SPAG16: variants seen among roughly 807,000 people sequenced by gnomAD.
SPAG16 encodes sperm associated antigen 16.
A neutral mutation model predicts 80.4 loss-of-function variants in SPAG16; 86 were observed. The ratio of observed to expected loss-of-function variants is 1.07; its 90% CI spans 0.90 to 1.28. The LOEUF (loss-of-function observed/expected upper bound fraction) is 1.28, where lower values mean the gene tolerates loss of function less well. Among genes scored for constraint, SPAG16 ranks in the 50% most tolerant of loss-of-function variants. The pLI, the probability that SPAG16 is intolerant of heterozygous loss-of-function variation, is 0.00. For missense variants in SPAG16, 870 were observed against 765.3 expected, an observed-to-expected ratio of 1.14 and a Z score of -1.61; for synonymous variants, 294 against 265.9, an observed-to-expected ratio of 1.11 and a Z score of -1.03.
At chr2:214,035,781 C>T (rs1038072341) in intron 13 of SPAG16, among the ~76,000 whole-genome samples, 1 of 152,282 alleles carries the variant, frequency 6.6e-6, no homozygotes, top group Non-Finnish European at 1.5e-5. Flanking sequence ...CAAGGAAGCC[C>T]ACATCCACAG....
intron 10 of SPAG16, among the ~76,000 whole-genome samples, chr2:213,798,748 T>C (rs1253541123): frequency 2.0e-5 from 3 of 152,198 alleles, no homozygotes; most frequent in African/African-American, 7.2e-5. Context: ...TTTATTTAAT[T>C]TTCCTGTATG....
At chr2:214,138,782 A>T (rs1323830569) in intron 14 of SPAG16, among the ~76,000 whole-genome samples, 1 of 152,164 alleles carries the variant, frequency 6.6e-6, no homozygotes, top group East Asian at 1.9e-4. Context: ...TATCTCTCTC[A>T]CATTAGTTTG....
Position 213,762,603 on chromosome 2 carries a change from A to G in SPAG16, c.1071-99882A>G, listed in dbSNP as rs113560447. On this transcript the variant is annotated intron_variant, in intron 10 of 15. Coordinates refer to ENST00000331683, the MANE Select transcript of SPAG16 (RefSeq NM_024532.5). ...GGTTACCCTCATGTAAAAGAATGAA[A>G]TTGAACCCTTACCTTGCACCATACA... is the stretch of plus-strand genomic sequence containing the variant. 8.5e-5 allele frequency among the ~76,000 whole-genome samples: 13 copies of G among 152,308 alleles called. 1 individual carries two copies. The highest frequency in any genetic ancestry group is 2.4e-4 in the African/African-American group (10 of 41,574).
At chr2:213,479,093 CCTTTTTTTT>C (rs2073598375) in intron 9 of SPAG16, among the ~76,000 whole-genome samples, 1 of 115,654 alleles carries the variant, frequency 8.6e-6, no homozygotes, top group African/African-American at 3.8e-5. Context: ...ACACTGGCTT[CCTTTTTTTT>C]TTTTTTTTTT....
chr2:214,076,545 G>GTGTC (rs1553710464), intron 13 of SPAG16, among the ~76,000 whole-genome samples: 10,986 of 113,076 alleles, frequency 0.097, 335 homozygotes, highest in Non-Finnish European at 0.1. Flanking sequence ...GTGTGTGTCT[G>GTGTC]TGTGTGTGTG....
At chr2:213,896,320 A>G (rs2076987786) in intron 11 of SPAG16, among the ~76,000 whole-genome samples, 1 of 152,072 alleles carries the variant, frequency 6.6e-6, no homozygotes, top group Admixed American at 6.6e-5. Flanking sequence ...TGATGCAGAG[A>G]AAAGGGAACT....
At chr2:213,381,397 C>G (rs1047188008) in intron 9 of SPAG16, among the ~76,000 whole-genome samples, 1 of 152,142 alleles carries the variant, frequency 6.6e-6, no homozygotes, top group Non-Finnish European at 1.5e-5. Context: ...AATAAGTATG[C>G]CAGTAGGTGG....
At chr2:214,404,090 C>T (rs1701860113) in intron 15 of SPAG16, among the ~76,000 whole-genome samples, 2 of 152,106 alleles carry the variant, frequency 1.3e-5, no homozygotes, top group African/African-American at 4.8e-5. Context: ...GTGAAAAATA[C>T]ATTCAAGAAA....
intron 10 of SPAG16, among the ~76,000 whole-genome samples, chr2:213,660,430 T>C (rs2063381242): frequency 6.6e-6 from 1 of 152,086 alleles, no homozygotes; most frequent in South Asian, 2.1e-4. Flanking sequence ...GTGTGTATGA[T>C]GTAGGTGTTG....
chr2:214,335,093 C>G (rs1043498415), intron 15 of SPAG16, among the ~76,000 whole-genome samples: 3 of 152,196 alleles, frequency 2.0e-5, no homozygotes, highest in Non-Finnish European at 4.4e-5. Flanking sequence ...GAGGCCTCAG[C>G]TGATCCTATA....
At chr2:214,353,864 G>A (rs2126055103) in intron 15 of SPAG16, among the ~76,000 whole-genome samples, 1 of 152,204 alleles carries the variant, frequency 6.6e-6, no homozygotes, top group African/African-American at 2.4e-5. Context: ...AAGTATGGTA[G>A]CATGTGTTTT....
chr2:214,004,815 A>G (rs183396000), intron 12 of SPAG16, among the ~76,000 whole-genome samples: 1 of 152,236 alleles, frequency 6.6e-6, no homozygotes, highest in East Asian at 1.9e-4. Context: ...TTTATAGGCC[A>G]AGCATGAGAC....
intron 13 of SPAG16, among the ~76,000 whole-genome samples, chr2:214,016,361 C>T (rs777058802): frequency 5.3e-5 from 8 of 152,098 alleles, no homozygotes; most frequent in Non-Finnish European, 1.2e-4. Flanking sequence ...CATCAGAGCT[C>T]GTGAGACTTA....
At chr2:214,210,927 A>G (rs934027910) in intron 15 of SPAG16, among the ~76,000 whole-genome samples, 1 of 152,156 alleles carries the variant, frequency 6.6e-6, no homozygotes, top group African/African-American at 2.4e-5. Context: ...AACTGTTTAA[A>G]ATCATATTTA....
At chr2:214,063,838 T>C (rs2050400367) in intron 13 of SPAG16, among the ~76,000 whole-genome samples, 1 of 152,214 alleles carries the variant, frequency 6.6e-6, no homozygotes, top group Admixed American at 6.6e-5. Flanking sequence ...ATAAATTACT[T>C]ATTTATAATG....
At chr2:213,728,423 T>C (rs533490201) in intron 10 of SPAG16, among the ~76,000 whole-genome samples, 1 of 152,270 alleles carries the variant, frequency 6.6e-6, no homozygotes, top group East Asian at 1.9e-4. Flanking sequence ...AACTCAATCA[T>C]ATGCTGTACT....
chr2:213,442,443 T>G (rs2071028977), intron 9 of SPAG16, among the ~76,000 whole-genome samples: 2 of 152,296 alleles, frequency 1.3e-5, no homozygotes, highest in Non-Finnish European at 1.5e-5. Flanking sequence ...ATATGGGTAT[T>G]CAAAAGACAG....
chr2:213,766,216 G>A (rs1202146102), intron 10 of SPAG16, among the ~76,000 whole-genome samples: 2 of 152,136 alleles, frequency 1.3e-5, no homozygotes, highest in African/African-American at 4.8e-5. Flanking sequence ...ATAGAAAGTA[G>A]TTTAGTGGTT....
At chr2:213,500,413 T>C (rs922998589) in intron 10 of SPAG16, among the ~76,000 whole-genome samples, 1 of 152,168 alleles carries the variant, frequency 6.6e-6, no homozygotes, top group Admixed American at 6.6e-5. Flanking sequence ...AAGAATATAA[T>C]TGGGTCATAT....
Sources: allele counts gnomAD v4.1 joint callset (sites outside exome capture counted in the v4.1 genomes callset), GRCh38; gene constraint gnomAD v4.1.1; transcripts MANE v1.5; gene names NCBI Gene and HGNC (gene_info 2026-07-23, HGNC 2026-07-21).